GABRB2: variants seen among roughly 807,000 people sequenced by gnomAD.
The protein encoded by GABRB2 is gamma-aminobutyric acid receptor subunit beta-2.
A neutral mutation model predicts 54.7 loss-of-function variants in GABRB2; 16 were observed. That is an observed-to-expected ratio of 0.29 (90% CI 0.20 to 0.44). The LOEUF (loss-of-function observed/expected upper bound fraction) is 0.44. GABRB2 is among the 20% of genes least tolerant of loss of function. The pLI is 1.00. For synonymous variants in GABRB2, 244 were observed against 233.8 expected (o/e 1.04, Z -0.40); for missense variants, 355 against 644.0 (o/e 0.55, Z 4.86).
At chr5:161,429,636 A>C (rs775599597) in intron 4 of GABRB2, among the ~76,000 whole-genome samples, 1 of 152,144 alleles carries the variant, frequency 6.6e-6, no homozygotes, top group Non-Finnish European at 1.5e-5. Flanking sequence ...GAAAGTAAAC[A>C]ATAGTTGACT....
chr5:161,315,765 A>G (rs1234787291), intron 9 of GABRB2, among the ~76,000 whole-genome samples: 1 of 152,134 alleles, frequency 6.6e-6, no homozygotes, highest in Admixed American at 6.6e-5. Flanking sequence ...ACCACCTCAA[A>G]CATGTATCAT....
At chr5:161,448,430 C>T (rs1561653786) in intron 4 of GABRB2, among the ~76,000 whole-genome samples, 1 of 152,062 alleles carries the variant, frequency 6.6e-6, no homozygotes, top group Non-Finnish European at 1.5e-5. Context: ...AACTGAGTTT[C>T]TTCAATCGAG....
chr5:161,410,387 TTC>T (rs71916783), intron 5 of GABRB2, among the ~76,000 whole-genome samples: 1,538 of 30,776 alleles, frequency 0.05, 11 homozygotes, highest in Middle Eastern at 0.081. Context: ...GTAAACAGAA[TTC>T]TCACACACAC....
intron 3 of GABRB2, among the ~76,000 whole-genome samples, chr5:161,482,290 AG>A (rs1227432204): frequency 6.6e-6 from 1 of 152,066 alleles, no homozygotes; most frequent in Non-Finnish European, 1.5e-5. Context: ...GAGTCTGCTA[AG>A]TCTATCCAGC....
intron 5 of GABRB2, among the ~76,000 whole-genome samples, chr5:161,346,188 C>T (rs777919589): frequency 2.0e-5 from 3 of 152,016 alleles, no homozygotes; most frequent in Non-Finnish European, 2.9e-5. Context: ...ACTTTTAATT[C>T]GTAATTTCAT....
chr5:161,295,114 GAGCATAAC>G (rs1289470301), intron 9 of GABRB2, among the ~76,000 whole-genome samples: 1 of 152,164 alleles, frequency 6.6e-6, no homozygotes, highest in Non-Finnish European at 1.5e-5. Flanking sequence ...TCAAAAATAG[GAGCATAAC>G]AGCCAGATCC....
At chr5:161,534,846 T>C (rs1172819303) in intron 3 of GABRB2, among the ~76,000 whole-genome samples, 1 of 152,116 alleles carries the variant, frequency 6.6e-6, no homozygotes. Context: ...GAGAATCATA[T>C]GCAGGAGCAA....
chr5:161,327,937 A>G (rs1180580833), intron 8 of GABRB2, among the ~76,000 whole-genome samples: 2 of 152,172 alleles, frequency 1.3e-5, no homozygotes, highest in Admixed American at 1.3e-4. Context: ...TGATGCTGAC[A>G]CAAAGGACAG....
At chr5:161,509,111 T>C (rs747429514) in intron 3 of GABRB2, among the ~76,000 whole-genome samples, 2 of 151,934 alleles carry the variant, frequency 1.3e-5, no homozygotes, top group Non-Finnish European at 2.9e-5. Flanking sequence ...CATTCTGAAT[T>C]AGCCTCAAAA....
At chr5:161,323,166 C>T (rs559505569) in intron 9 of GABRB2, among the ~76,000 whole-genome samples, 8 of 151,762 alleles carry the variant, frequency 5.3e-5, no homozygotes, top group East Asian at 2.0e-4. Flanking sequence ...GGATTACAGG[C>T]GCCCGCCACC....
chr5:161,400,961 G>T (rs1353672672), intron 5 of GABRB2, among the ~76,000 whole-genome samples: 1 of 152,082 alleles, frequency 6.6e-6, no homozygotes, highest in Non-Finnish European at 1.5e-5. Flanking sequence ...GTAATAGGGG[G>T]TGTAGGGGGT....
intron 5 of GABRB2, among the ~76,000 whole-genome samples, chr5:161,376,747 T>C (rs2085787458): frequency 6.6e-6 from 1 of 152,186 alleles, no homozygotes; most frequent in South Asian, 2.1e-4. Flanking sequence ...AACTGCCATA[T>C]ACCCTAATTC....
At chr5:161,504,009 A>G (rs1392282352) in intron 3 of GABRB2, among the ~76,000 whole-genome samples, 1 of 152,226 alleles carries the variant, frequency 6.6e-6, no homozygotes, top group Non-Finnish European at 1.5e-5. Context: ...AAGTCATAGT[A>G]TGAAATGTAT....
At chr5:161,385,948 GTGTGT>G (rs1561631770) in intron 5 of GABRB2, among the ~76,000 whole-genome samples, 1,435 of 108,316 alleles carry the variant, frequency 0.013, 11 homozygotes, top group South Asian at 0.026. Context: ...CTATTGTCTG[GTGTGT>G]GTGTGTGTGT....
chr5:161,523,769 C>T (rs933489890), intron 3 of GABRB2, among the ~76,000 whole-genome samples: 1 of 150,890 alleles, frequency 6.6e-6, no homozygotes, highest in African/African-American at 2.4e-5. Context: ...TTGTCACCTC[C>T]ATTGCTACAC....
intron 4 of GABRB2, among the ~76,000 whole-genome samples, chr5:161,447,393 C>A (rs1025333401): frequency 6.6e-6 from 1 of 152,088 alleles, no homozygotes; most frequent in African/African-American, 2.4e-5. Flanking sequence ...TCAATAGTTT[C>A]TCTTAGTTGT....
chr5:161,527,885 C>G (rs185312711), intron 3 of GABRB2, among the ~76,000 whole-genome samples: 36 of 151,710 alleles, frequency 2.4e-4, no homozygotes, highest in Non-Finnish European at 4.9e-4. Context: ...TTTAAGGAAC[C>G]GTGGCTTTGT....
chr5:161,522,077 G>A (rs1249066660), intron 3 of GABRB2, among the ~76,000 whole-genome samples: 3 of 151,704 alleles, frequency 2.0e-5, no homozygotes, highest in African/African-American at 7.2e-5. Flanking sequence ...ATTTCCCTAC[G>A]TGCAATCCTA....
chr5:161,437,994 C>A (rs888866151), intron 4 of GABRB2, among the ~76,000 whole-genome samples: 3 of 152,208 alleles, frequency 2.0e-5, no homozygotes, highest in Non-Finnish European at 4.4e-5. Flanking sequence ...GGGAAAGATG[C>A]AGGCCCAGCT....
Sources: gnomAD v4.1 joint callset for allele counts (sites outside exome capture counted in the v4.1 genomes callset) on GRCh38, gnomAD v4.1.1 for gene constraint, MANE v1.5 for transcripts, NCBI Gene and HGNC (gene_info 2026-07-23, HGNC 2026-07-21) for gene names.